ECEL1: variants seen among roughly 807,000 people sequenced by gnomAD.
ECEL1 encodes the protein endothelin-converting enzyme-like 1.
Under a neutral mutation model 101.8 loss-of-function variants are expected in ECEL1, and 87 were observed. That is an observed-to-expected ratio of 0.85 (90% CI 0.72 to 1.02). The LOEUF (loss-of-function observed/expected upper bound fraction) is 1.02. ECEL1 is among the 50% of genes least tolerant of loss of function. The probability of loss-of-function intolerance (pLI) is 0.00; values close to 1 mark genes in which losing one functional copy is unlikely to be tolerated. For synonymous variants in ECEL1, 487 were observed against 468.7 expected (o/e 1.04, Z -0.50); for missense variants, 1,032 against 1,079.2 (o/e 0.96, Z 0.61).
At position 232,486,475 on chromosome 2, in the gene ECEL1, A is replaced by G; in HGVS notation, c.179T>C (p.Val60Ala). The part of the protein sequence containing the change: ...SGLPRWNRRE[V>A]CLLSGLVFAA... ...GAACACCAGCCCCGACAGCAGGCAC[A>G]CCTCGCGCCGGTTCCAGCGCGGCAG... The change falls in exon 2 of 18, where the codon GTG becomes GCG. Residue 60 changes from valine to alanine, a missense_variant. Physicochemically the swap from Val to Ala is moderately conservative, Grantham distance 64. Transcript: ENST00000304546. The G allele has an allele frequency of 7.0e-7, 1 of 1,426,182 alleles. No homozygotes were observed. The highest frequency in any genetic ancestry group is 9.1e-7 in the Non-Finnish European group (1 of 1,100,638). 88.3% of individuals were successfully genotyped at this position (1,426,182 alleles called of 1,614,324 possible).
intron 5 of ECEL1, 45 bp from the exon 6 acceptor site, chr2:232,484,641 G>C (rs1414364503): frequency 1.9e-6 from 3 of 1,609,950 alleles, no homozygotes; most frequent in Non-Finnish European, 2.5e-6. Flanking sequence ...GTTGGCAGGG[G>C]CCACAGAAGA....
At chr2:232,480,848 G>T in intron 15 of ECEL1, 35 bp from the exon 16 acceptor site, 1 of 1,575,024 alleles carries the variant, frequency 6.3e-7, no homozygotes, top group Admixed American at 1.8e-5. Flanking sequence ...TGCTATGCCC[G>T]CCCACCCTGG....
At position 232,484,090 on chromosome 2, in the gene ECEL1, C is replaced by A. The variant is rs760375610; in HGVS notation, c.1318G>T (p.Val440Phe). ...TGGCGATTGGCCTGGCCCAAGCAGACCCGGGCCAGCTCCTGTGGCTTGTCG... is the reference window on the plus strand; with the variant it reads ...TGGCGATTGGCCTGGCCCAAGCAGAACCGGGCCAGCTCCTGTGGCTTGTCG... Reference protein sequence around the residue: ...GSDKPQELARVCLGQANRHFG... With the variant: ...GSDKPQELARFCLGQANRHFG... Residue 440 changes from valine (V) to phenylalanine (F), a missense_variant, in exon 7 of 18, where the codon GTC becomes TTC. Coordinates refer to ENST00000304546, the MANE Select transcript of ECEL1 (RefSeq NM_004826.4). The A allele has an allele frequency of 9.3e-6, 15 of 1,613,764 alleles. No homozygotes were observed. The highest frequency in any genetic ancestry group is 1.2e-5 in the Non-Finnish European group (14 of 1,180,010).
In ECEL1 at chr2:232,480,129, G is replaced by A; in HGVS notation, c.*24C>T. The A allele has an allele frequency of 6.2e-7, 1 of 1,610,892 alleles. No homozygotes were observed. The highest frequency in any genetic ancestry group is 1.3e-5 in the African/African-American group (1 of 74,992). ...GAGGTGATTCGTGCGGGGGCAGTGG[G>A]GGCGTGCAGGCGGGCAGCCAGGCTC... is the stretch of plus-strand genomic sequence containing the variant. On this transcript the variant is annotated 3_prime_UTR_variant, in exon 18 of 18. Coordinates refer to ENST00000304546, the MANE Select transcript of ECEL1 (RefSeq NM_004826.4).
At chr2:232,483,679 G>A (rs528782438) in intron 7 of ECEL1, among the ~76,000 whole-genome samples, 165 bp from the exon 8 acceptor site, 4 of 152,162 alleles carry the variant, frequency 2.6e-5, no homozygotes, top group Admixed American at 6.5e-5. Flanking sequence ...CTGCACCCCC[G>A]AGGGCTCACA....
chr2:232,486,858 G>T (rs1366786841), intron 1 of ECEL1, 104 bp from the exon 2 acceptor site: 5 of 463,592 alleles, frequency 1.1e-5, no homozygotes, highest in Non-Finnish European at 1.7e-5. Flanking sequence ...CCCAGCCGCG[G>T]GCCTCATTCA....
Position 232,486,713 on chromosome 2 carries a change from G to C in ECEL1, c.-60C>G. 3 of 1,393,130 alleles carry C rather than the reference G, an allele frequency of 2.2e-6. No homozygotes were observed. The highest frequency in any genetic ancestry group is 3.1e-5 in the South Asian group (2 of 64,656). The allele number at this position is 1,393,130 out of a possible 1,614,324, so 86.3% of individuals were successfully genotyped here. On this transcript the variant is annotated 5_prime_UTR_variant, in exon 2 of 18. Coordinates refer to ENST00000304546, the MANE Select transcript of ECEL1 (RefSeq NM_004826.4). ...CCTGGGCTACGGGATGCGCGTGGCC[G>C]CCGGCCTCCTCGTGGGCCTCCGCAT...
At chr2:232,480,610 T>C (rs1367716376) in intron 16 of ECEL1, 108 bp downstream of exon 16, 1 of 1,502,762 alleles carries the variant, frequency 6.7e-7, no homozygotes. Context: ...GGACAGGTGA[T>C]GACAGACAGG....
rs1363989256 is a variant in ECEL1, at chr2:232,480,926, A to G, written c.2056-113T>C. The G allele has an allele frequency of 2.2e-6, 3 of 1,348,198 alleles. No individual in the cohort carries two copies. In the African/African-American group the frequency reaches 4.4e-5, roughly 20 times the overall value. 83.5% of individuals were successfully genotyped at this position (1,348,198 alleles called of 1,614,324 possible). ...CTCTCCCTGTGAAGGGGGGCCCGTG[A>G]ATCCTTCCTCTTCCAGTGGACCGTG... On this transcript the variant is annotated intron_variant, in intron 15 of 17. Transcript: ENST00000304546.
At chr2:232,480,932 T>C in intron 15 of ECEL1, 119 bp from the exon 16 acceptor site, 1 of 1,341,496 alleles carries the variant, frequency 7.5e-7, no homozygotes, top group Non-Finnish European at 1.0e-6. Flanking sequence ...CGTGAATCCT[T>C]CCTCTTCCAG....
At position 232,481,790 on chromosome 2, in the gene ECEL1, T is replaced by G; in HGVS notation, c.1856A>C (p.Asp619Ala). 2 of 1,613,638 alleles carry G rather than the reference T, an allele frequency of 1.2e-6. No individual in the cohort carries two copies. Among genetic ancestry groups the G allele is most frequent in the Non-Finnish European group, 1.7e-6 (2 of 1,179,876 alleles). Residue 619 changes from aspartate to alanine, a missense_variant, in exon 13 of 18, where the codon GAC (aspartate) becomes GCC (alanine). Coordinates refer to ENST00000304546, the MANE Select transcript of ECEL1 (RefSeq NM_004826.4). ...IIGHELTHGY[D>A]DWGGQYDRSG... is the part of the protein sequence containing the mutation. Reference sequence around the variant, plus strand: ...GCCCCAACAGGCCTCACCCCAGTCGTCGTAGCCGTGGGTCAGCTCATGTCC... The same window carrying G: ...GCCCCAACAGGCCTCACCCCAGTCGGCGTAGCCGTGGGTCAGCTCATGTCC...
rs191821453 is a variant in ECEL1 at position 232,485,934 on chromosome 2, G to T, written c.720C>A (p.Ser240Arg). 2,501 of 1,578,876 alleles carry T rather than the reference G, an allele frequency of 1.6e-3. 10 individuals are homozygous for T. The highest frequency in any genetic ancestry group is 1.3e-3 in the Non-Finnish European group (1,540 of 1,164,928). ...CCGTGAGCGAGAAGAGCGCGGCGGC[G>T]CTGTACACGCCCTGCGCCTTGTACA... ...RLLYKAQGVY[S>R]AAALFSLTVS... Residue 240 changes from serine (S) to arginine (R), a missense_variant, in exon 2 of 18, where the codon AGC becomes AGA. Physicochemically the swap from Ser to Arg is moderately radical, Grantham distance 110 (BLOSUM62 -1). Transcript: ENST00000304546.
At chr2:232,481,019 G>A in intron 15 of ECEL1, 72 bp downstream of exon 15, 1 of 1,529,286 alleles carries the variant, frequency 6.5e-7, no homozygotes, top group East Asian at 2.5e-5. Context: ...AGGCAGCTCT[G>A]TCCCTCATCT....
chr2:232,482,372 T>C (rs1690602281), intron 12 of ECEL1, 46 bp downstream of exon 12: 1 of 1,612,720 alleles, frequency 6.2e-7, no homozygotes, highest in Non-Finnish European at 8.5e-7. Flanking sequence ...AGGTCTGCAA[T>C]GCCAGCCCTG....
intron 14 of ECEL1, 97 bp from the exon 15 acceptor site, chr2:232,481,253 C>T: frequency 7.0e-7 from 1 of 1,434,934 alleles, no homozygotes; most frequent in African/African-American, 1.4e-5. Flanking sequence ...TCCTACCACC[C>T]CTCTCCTTCC....
At chr2:232,480,627 A>G (rs1690553263) in intron 16 of ECEL1, 91 bp downstream of exon 16, 1 of 1,525,106 alleles carries the variant, frequency 6.6e-7, no homozygotes, top group Non-Finnish European at 9.0e-7. Context: ...CAGGCTGTCC[A>G]TGCGAAGCCT....
rs565410810 is a variant in ECEL1 at position 232,484,687 on chromosome 2, G to A, written c.1060-91C>T. On this transcript the variant is annotated intron_variant, in intron 5 of 17. Transcript: ENST00000304546. ...GCAGAGAGAGGCAGCGAGGGGACAT[G>A]AGAGTCCATGGCCAAGGAACGGTTT... 2.7e-5 allele frequency: 44 copies of A among 1,602,570 alleles called. No homozygotes were observed. In the African/African-American group the frequency reaches 4.8e-4, roughly 18 times the overall value.
rs372304234 is a variant in ECEL1, at chr2:232,480,382, C to T, written c.2228+17G>A. On this transcript the variant is annotated intron_variant, in intron 17 of 17. Coordinates refer to ENST00000304546, the MANE Select transcript of ECEL1 (RefSeq NM_004826.4). ...AACACAAGGAGTGGACAAGGCCAGG[C>T]GGGCAGGTGGGCATACCTGTAGTGC... 33 of 1,613,320 alleles carry T rather than the reference C, an allele frequency of 2.0e-5. No homozygotes were observed. The highest frequency in any genetic ancestry group is 1.6e-4 in the African/African-American group (12 of 74,906).
At chr2:232,487,484 G>T (rs964973735) in intron 1 of ECEL1, among the ~76,000 whole-genome samples, 4 of 152,102 alleles carry the variant, frequency 2.6e-5, no homozygotes, top group African/African-American at 9.7e-5. Flanking sequence ...CCCAAACTTG[G>T]GCGAAGTTTC....
Sources: gnomAD v4.1 joint callset for allele counts (sites outside exome capture counted in the v4.1 genomes callset) on GRCh38, gnomAD v4.1.1 for gene constraint, MANE v1.5 for transcripts, NCBI Gene and HGNC (gene_info 2026-07-23, HGNC 2026-07-21) for gene names.